The following TASP1 variants were observed in gnomAD, a reference collection of about 807,000 sequenced individuals.
TASP1 encodes the protein threonine aspartase 1.
Under a neutral mutation model 56.6 loss-of-function variants are expected in TASP1, and 16 were observed. The ratio of observed to expected loss-of-function variants is 0.28; its 90% CI spans 0.19 to 0.43. TASP1 has a LOEUF of 0.43. TASP1 is among the 20% of genes least tolerant of loss of function. TASP1 has a pLI of 1.00. For synonymous variants in TASP1, 179 were observed against 184.2 expected (o/e 0.97, Z 0.23); for missense variants, 393 against 511.6 (o/e 0.77, Z 2.24).
chr20:13,183,578 A>G, the TASP1 span, among the ~76,000 whole-genome samples: 1 of 152,220 alleles, frequency 6.6e-6, no homozygotes, highest in Non-Finnish European at 1.5e-5. Flanking sequence ...AAAAAATTTA[A>G]TAGGTTGAGA....
chr20:13,502,889 G>A (rs1430627562), intron 10 of TASP1, among the ~76,000 whole-genome samples: 1 of 152,150 alleles, frequency 6.6e-6, no homozygotes, highest in Non-Finnish European at 1.5e-5. Flanking sequence ...AGACTAAGAA[G>A]AGGATGGGTA....
At chr20:13,221,688 G>A in the TASP1 span, 9 of 1,133,958 alleles carry the variant, frequency 7.9e-6, no homozygotes, top group Admixed American at 4.4e-5. Context: ...GCGCTGCCGG[G>A]CTCCCGGGCT....
At chr20:13,286,191 T>A in the TASP1 span, among the ~76,000 whole-genome samples, 1 of 152,192 alleles carries the variant, frequency 6.6e-6, no homozygotes, top group Non-Finnish European at 1.5e-5. Flanking sequence ...TGTGACTGGG[T>A]GAGTGCTCAT....
At chr20:13,609,839 A>T (rs1038683387) in intron 4 of TASP1, among the ~76,000 whole-genome samples, 11 of 152,356 alleles carry the variant, frequency 7.2e-5, no homozygotes, top group African/African-American at 2.6e-4. Context: ...AATAGCCAAA[A>T]GGTAGAAACA....
the TASP1 span, among the ~76,000 whole-genome samples, chr20:13,155,582 T>A: frequency 2.6e-5 from 4 of 152,196 alleles, no homozygotes; most frequent in South Asian, 2.1e-4. Flanking sequence ...ATCCCATCAC[T>A]TTGGGAGGCC....
the TASP1 span, among the ~76,000 whole-genome samples, chr20:13,120,628 T>C: frequency 6.6e-6 from 1 of 152,182 alleles, no homozygotes; most frequent in Non-Finnish European, 1.5e-5. Flanking sequence ...GGTCAGAGTT[T>C]TATATATTAG....
At chr20:13,583,785 A>T (rs2047207690) in intron 5 of TASP1, among the ~76,000 whole-genome samples, 1 of 152,238 alleles carries the variant, frequency 6.6e-6, no homozygotes, top group Non-Finnish European at 1.5e-5. Flanking sequence ...ATGATTTAAA[A>T]TATGTAAACC....
chr20:13,299,538 G>C, the TASP1 span: 2 of 1,308,484 alleles, frequency 1.5e-6, no homozygotes, highest in Non-Finnish European at 2.1e-6. The surrounding 1 kb of genome is among the most constrained non-coding windows in gnomAD (Gnocchi z 5.8). Context: ...GACTGGCGCC[G>C]AGACCTTCAT....
the TASP1 span, among the ~76,000 whole-genome samples, chr20:13,287,703 G>A: frequency 6.6e-6 from 1 of 152,278 alleles, no homozygotes; most frequent in South Asian, 2.1e-4. Context: ...CAAGAATTGT[G>A]CCTGACATAC....
the TASP1 span, among the ~76,000 whole-genome samples, chr20:13,362,939 G>A: frequency 6.6e-6 from 1 of 150,864 alleles, no homozygotes; most frequent in African/African-American, 2.4e-5. Context: ...CTAATATTTG[G>A]TCTCTGTCCT....
intron 10 of TASP1, among the ~76,000 whole-genome samples, chr20:13,485,040 T>C (rs901087136): frequency 2.6e-5 from 4 of 152,160 alleles, no homozygotes; most frequent in African/African-American, 4.8e-5. Context: ...AGTGATGGGT[T>C]GATGGGTGGA....
intron 4 of TASP1, among the ~76,000 whole-genome samples, chr20:13,612,527 C>CAT (rs1491074102): frequency 2.0e-5 from 3 of 151,166 alleles, no homozygotes; most frequent in Admixed American, 1.3e-4. Context: ...CACACACACA[C>CAT]ATTCCCCATA....
intron 11 of TASP1, among the ~76,000 whole-genome samples, chr20:13,463,280 T>C (rs992495557): frequency 2.0e-5 from 3 of 152,140 alleles, no homozygotes; most frequent in African/African-American, 7.2e-5. Flanking sequence ...ATAGTCTTTT[T>C]CGATAATGAT....
At chr20:13,117,434 A>G in the TASP1 span, 1 of 1,390,946 alleles carries the variant, frequency 7.2e-7, no homozygotes, top group Non-Finnish European at 9.8e-7. Context: ...TCTAGGATGT[A>G]TTGATGGGGA....
At chr20:13,589,994 G>A (rs2047460823) in intron 4 of TASP1, among the ~76,000 whole-genome samples, 1 of 152,192 alleles carries the variant, frequency 6.6e-6, no homozygotes, top group African/African-American at 2.4e-5. Flanking sequence ...CACTTTGGGA[G>A]GCCGAGGCAG....
the TASP1 span, chr20:13,288,452 A>G: frequency 5.1e-6 from 7 of 1,385,172 alleles, no homozygotes; most frequent in Non-Finnish European, 7.0e-6. Flanking sequence ...CGAGAAGGAT[A>G]GAAGTGAATA....
chr20:13,518,269 T>G (rs2044609792), intron 10 of TASP1, among the ~76,000 whole-genome samples: 1 of 152,106 alleles, frequency 6.6e-6, no homozygotes, highest in African/African-American at 2.4e-5. Flanking sequence ...GGAATCAAAG[T>G]GGACTAAAGA....
intron 4 of TASP1, among the ~76,000 whole-genome samples, chr20:13,621,368 T>C (rs2048710833): frequency 6.6e-6 from 1 of 152,016 alleles, no homozygotes; most frequent in Non-Finnish European, 1.5e-5. Context: ...GAGGCAGAGG[T>C]TGCAGTGAGC....
chr20:13,404,274 G>A (rs1300465794), intron 13 of TASP1, among the ~76,000 whole-genome samples: 1 of 152,112 alleles, frequency 6.6e-6, no homozygotes, highest in Non-Finnish European at 1.5e-5. Context: ...GCTTTGTGAG[G>A]GTTTACCCTT....
Sources: gnomAD v4.1 joint callset for allele counts (sites outside exome capture counted in the v4.1 genomes callset) on GRCh38, gnomAD v4.1.1 for gene constraint, Gnocchi (gnomAD v3.1) non-coding constraint, MANE v1.5 for transcripts, NCBI Gene and HGNC (gene_info 2026-07-23, HGNC 2026-07-21) for gene names.